ANKFN1: variants seen among roughly 807,000 people sequenced by gnomAD.
ANKFN1 encodes the protein ankyrin repeat and fibronectin type III domain containing 1.
ANKFN1 carries 74 observed loss-of-function variants against 108.7 expected under a neutral mutation model. The observed-to-expected ratio is 0.68, with a 90% CI of 0.56 to 0.83. ANKFN1 has a LOEUF of 0.83. ANKFN1 is among the 40% of genes least tolerant of loss of function. The pLI is 0.00. For synonymous variants in ANKFN1, 547 were observed against 516.2 expected (o/e 1.06, Z -0.81); for missense variants, 1,505 against 1,382.3 (o/e 1.09, Z -1.41).
At chr17:56,112,876 GAT>G (rs955815679) in intron 4 of ANKFN1, among the ~76,000 whole-genome samples, 2 of 152,136 alleles carry the variant, frequency 1.3e-5, no homozygotes, top group African/African-American at 4.8e-5. Context: ...ATATGTATCA[GAT>G]ATATATACAC....
chr17:56,336,873 C>G (rs143561692), intron 4 of ANKFN1, among the ~76,000 whole-genome samples: 3,254 of 152,268 alleles, frequency 0.021, 108 homozygotes, highest in African/African-American at 0.071. Flanking sequence ...ATAAATTTCC[C>G]TCTACACACT....
chr17:56,160,680 A>G (rs1459194849), intron 1 of ANKFN1, among the ~76,000 whole-genome samples: 1 of 152,218 alleles, frequency 6.6e-6, no homozygotes, highest in Non-Finnish European at 1.5e-5. Flanking sequence ...GATTGCTTCC[A>G]TTAAATTAGT....
intron 20 of ANKFN1, among the ~76,000 whole-genome samples, chr17:56,501,882 T>A (rs2051383151): frequency 6.6e-6 from 1 of 152,182 alleles, no homozygotes; most frequent in African/African-American, 2.4e-5. Flanking sequence ...TTCAGTTGTT[T>A]TGCTTTTCTC....
upstream of ANKFN1, chr17:56,153,441 A>T: frequency 6.3e-7 from 1 of 1,587,878 alleles, no homozygotes; most frequent in Non-Finnish European, 8.6e-7. Context: ...CCGTGTGGAC[A>T]TTCGCAAAGG....
intron 3 of ANKFN1, among the ~76,000 whole-genome samples, chr17:56,310,659 C>T (rs62073056): frequency 0.1 from 15,659 of 151,648 alleles, 855 homozygotes; most frequent in East Asian, 0.15. Context: ...TTGGATATAG[C>T]TAAGGTGTAC....
intron 8 of ANKFN1, among the ~76,000 whole-genome samples, chr17:56,433,772 C>T (rs1010801783): frequency 1.3e-5 from 2 of 151,652 alleles, no homozygotes; most frequent in Non-Finnish European, 1.5e-5. Flanking sequence ...CACAAATCAC[C>T]ACTGAAGAAC....
chr17:56,303,293 A>G (rs1466631211), intron 3 of ANKFN1, among the ~76,000 whole-genome samples: 2 of 152,166 alleles, frequency 1.3e-5, no homozygotes, highest in Non-Finnish European at 2.9e-5. Context: ...ATAAATACCT[A>G]TTGATTTGTT....
chr17:56,085,656 T>C (rs1220072008), intron 4 of ANKFN1, among the ~76,000 whole-genome samples: 1 of 151,386 alleles, frequency 6.6e-6, no homozygotes, highest in Non-Finnish European at 1.5e-5. Context: ...CTTCTCCTCT[T>C]TTGTGGGATG....
At chr17:56,257,699 G>A (rs759879134) in intron 3 of ANKFN1, among the ~76,000 whole-genome samples, 7 of 152,164 alleles carry the variant, frequency 4.6e-5, no homozygotes, top group Non-Finnish European at 8.8e-5. Flanking sequence ...AGTGGAAACA[G>A]ACAGCCATAG....
At chr17:56,413,151 C>T (rs957836530) in intron 8 of ANKFN1, among the ~76,000 whole-genome samples, 4 of 152,036 alleles carry the variant, frequency 2.6e-5, no homozygotes, top group African/African-American at 9.7e-5. Flanking sequence ...CCCTAGTTAG[C>T]TGTATTCCTA....
At chr17:56,388,987 T>C (rs1251258213) in intron 8 of ANKFN1, among the ~76,000 whole-genome samples, 3 of 149,886 alleles carry the variant, frequency 2.0e-5, no homozygotes, top group Non-Finnish European at 4.4e-5. Flanking sequence ...ACAGCCACTC[T>C]GGAAAACTGT....
At chr17:56,310,746 C>CG (rs2144435650) in intron 3 of ANKFN1, among the ~76,000 whole-genome samples, 1 of 134,460 alleles carries the variant, frequency 7.4e-6, no homozygotes, top group East Asian at 2.2e-4. Flanking sequence ...CTCACAATTA[C>CG]TTTGTGTGTG....
At chr17:56,097,983 T>C (rs1905564196) in intron 4 of ANKFN1, among the ~76,000 whole-genome samples, 1 of 152,196 alleles carries the variant, frequency 6.6e-6, no homozygotes, top group Admixed American at 6.5e-5. Flanking sequence ...AGATAAGATT[T>C]AGTTAAGGAT....
At chr17:56,351,089 G>A in intron 5 of ANKFN1, 122 bp downstream of exon 5, 1 of 949,988 alleles carries the variant, frequency 1.1e-6, no homozygotes, top group South Asian at 1.7e-5. Context: ...TATAAATGCT[G>A]GAATAGATTC....
intron 8 of ANKFN1, among the ~76,000 whole-genome samples, chr17:56,408,136 T>C (rs946307205): frequency 2.0e-5 from 3 of 152,120 alleles, no homozygotes; most frequent in Admixed American, 2.0e-4. Context: ...GGTTTCACCA[T>C]GTTGGCCAGG....
intron 4 of ANKFN1, among the ~76,000 whole-genome samples, chr17:56,147,189 A>C (rs1908314859): frequency 6.6e-6 from 1 of 152,190 alleles, no homozygotes; most frequent in South Asian, 2.1e-4. Flanking sequence ...CAAGCCGTTC[A>C]ACAAGTTTCT....
At chr17:56,254,164 C>CA (rs1467611141) in intron 3 of ANKFN1, 1 of 152,170 alleles carries the variant, frequency 6.6e-6, no homozygotes, top group Non-Finnish European at 1.5e-5. Flanking sequence ...GCAAATAAAA[C>CA]AATCCTTCAG....
chr17:56,336,126 A>G (rs774552913), intron 4 of ANKFN1, among the ~76,000 whole-genome samples: 11 of 152,166 alleles, frequency 7.2e-5, no homozygotes, highest in Non-Finnish European at 1.3e-4. Context: ...CCAGTATTTT[A>G]TTGAGGATTT....
At chr17:56,107,597 G>A (rs1055898327) in intron 4 of ANKFN1, among the ~76,000 whole-genome samples, 10 of 152,088 alleles carry the variant, frequency 6.6e-5, no homozygotes, top group Non-Finnish European at 1.3e-4. Flanking sequence ...CAAAGAGCCC[G>A]CTAGTGTTCT....
Sources: gnomAD v4.1 joint callset for allele counts (sites outside exome capture counted in the v4.1 genomes callset) on GRCh38, gnomAD v4.1.1 for gene constraint, MANE v1.5 for transcripts, NCBI Gene and HGNC (gene_info 2026-07-23, HGNC 2026-07-21) for gene names.